The following RIT2 variants were observed in gnomAD, a reference collection of about 807,000 sequenced individuals.
RIT2 encodes the protein Ras like without CAAX 2.
In RIT2, 24 loss-of-function variants were observed where a neutral mutation model predicts 23.7. The ratio of observed to expected loss-of-function variants is 1.01; its 90% CI spans 0.73 to 1.43. The LOEUF is 1.43. Ranked by LOEUF, RIT2 falls within the 40% of genes most tolerant of loss-of-function variation. RIT2 has a pLI of 0.00. For synonymous variants in RIT2, 107 were observed against 91.1 expected, an observed-to-expected ratio of 1.17 and a Z score of -0.99; for missense variants, 236 against 266.9, an observed-to-expected ratio of 0.88 and a Z score of 0.81.
chr18:43,080,925 A>G (rs187071007), intron 1 of RIT2, among the ~76,000 whole-genome samples: 430 of 152,318 alleles, frequency 2.8e-3, no homozygotes, highest in African/African-American at 9.9e-3. Context: ...ATGAAAAAGG[A>G]TTCTGTTTAG....
intron 3 of RIT2, among the ~76,000 whole-genome samples, chr18:42,965,659 A>G (rs1160395872): frequency 6.6e-6 from 1 of 151,368 alleles, no homozygotes; most frequent in Non-Finnish European, 1.5e-5. Flanking sequence ...AAGGATATAA[A>G]GAAATATAAA....
intron 4 of RIT2, among the ~76,000 whole-genome samples, chr18:42,767,918 C>A (rs1000368788): frequency 7.9e-5 from 12 of 152,076 alleles, no homozygotes; most frequent in African/African-American, 2.7e-4. Flanking sequence ...CGCCTCCCAC[C>A]ATGATTTTGA....
At chr18:42,878,417 T>C (rs1423056424) in intron 4 of RIT2, among the ~76,000 whole-genome samples, 1 of 151,986 alleles carries the variant, frequency 6.6e-6, no homozygotes, top group African/African-American at 2.4e-5. Flanking sequence ...AAGGTCTTCA[T>C]CTCTTTCTTG....
In RIT2 at chr18:42,743,400, CACAT is replaced by C. The variant is rs1912837966; in HGVS notation, c.*89_*92del. 2 of 889,836 alleles carry C rather than the reference CACAT, an allele frequency of 2.2e-6. No homozygotes were observed. Among genetic ancestry groups the C allele is most frequent in the African/African-American group, 1.7e-5 (1 of 60,062 alleles). The allele number at this position is 889,836 out of a possible 1,614,324, so 55.1% of individuals were successfully genotyped here. A position where few individuals can be genotyped will look rare whatever the true frequency, so the allele number is the denominator to read the frequency against. On this transcript the variant is annotated 3_prime_UTR_variant, in exon 5 of 5. Coordinates refer to ENST00000326695, the MANE Select transcript of RIT2 (RefSeq NM_002930.4). The stretch of plus-strand genomic sequence containing the variant: ...AGGCAGATATTTAAAGAGAGAGAGA[CACAT>C]AGAGAGATAATATTGAAGCAGAATG...
chr18:42,804,844 TTC>T, intron 4 of RIT2, among the ~76,000 whole-genome samples: 1 of 152,302 alleles, frequency 6.6e-6, no homozygotes, highest in East Asian at 1.9e-4. Context: ...GAATTTGTAA[TTC>T]TCTGTTTTCC....
chr18:42,990,573 G>T (rs1173267730), intron 2 of RIT2, among the ~76,000 whole-genome samples: 1 of 152,136 alleles, frequency 6.6e-6, no homozygotes, highest in Non-Finnish European at 1.5e-5. Context: ...TAATTTTGTT[G>T]TAATTATTTG....
chr18:42,962,327 T>C (rs1302272843), intron 3 of RIT2, among the ~76,000 whole-genome samples: 3 of 152,222 alleles, frequency 2.0e-5, no homozygotes, highest in Admixed American at 1.3e-4. Context: ...AGGAAACCCA[T>C]TTAAAATTAT....
chr18:42,973,008 A>C (rs1468295149), intron 3 of RIT2, among the ~76,000 whole-genome samples: 1 of 151,838 alleles, frequency 6.6e-6, no homozygotes, highest in Non-Finnish European at 1.5e-5. Flanking sequence ...AGAATTTTAG[A>C]ATATTCTGAC....
intron 4 of RIT2, among the ~76,000 whole-genome samples, chr18:42,837,433 C>T (rs559837440): frequency 2.0e-5 from 3 of 151,492 alleles, no homozygotes; most frequent in South Asian, 4.2e-4. Context: ...TCCCAAAGTG[C>T]TGGGATTACA....
chr18:42,801,204 T>C (rs1260792126), intron 4 of RIT2, among the ~76,000 whole-genome samples: 2 of 152,210 alleles, frequency 1.3e-5, no homozygotes, highest in Non-Finnish European at 2.9e-5. Flanking sequence ...GCTTCACTTC[T>C]AGTCTTTAAT....
chr18:43,066,524 A>G (rs575318183), intron 1 of RIT2, among the ~76,000 whole-genome samples: 1 of 152,354 alleles, frequency 6.6e-6, no homozygotes, highest in East Asian at 1.9e-4. Context: ...TAGTCTATCA[A>G]CTAGCATATA....
chr18:42,914,661 C>T (rs1054109087), intron 4 of RIT2, among the ~76,000 whole-genome samples: 5 of 151,864 alleles, frequency 3.3e-5, no homozygotes, highest in African/African-American at 9.7e-5. Flanking sequence ...ATGAGAAGGG[C>T]CTCAGAGTAA....
rs546394025 is a variant in RIT2 at position 42,927,039 on chromosome 18, G to A, written c.235-3276C>T. Among the ~76,000 whole-genome samples, 18 of 152,024 alleles carry A rather than the reference G, an allele frequency of 1.2e-4. No homozygotes were observed. The South Asian group carries it at 3.7e-3, about 32-fold the overall frequency. ...GTAGAAAAGCTCAAATGAGAGAAGA[G>A]ATGTTAAAATGCTTTGATGAATTTT... On this transcript the variant is annotated intron_variant, in intron 3 of 4. Transcript: ENST00000326695.
intron 4 of RIT2, among the ~76,000 whole-genome samples, chr18:42,854,218 T>C (rs1907125686): frequency 6.6e-6 from 1 of 152,178 alleles, no homozygotes; most frequent in Non-Finnish European, 1.5e-5. Flanking sequence ...ACCTTTATAG[T>C]TTTATTACTT....
chr18:43,092,854 C>T (rs1913457399), intron 1 of RIT2, among the ~76,000 whole-genome samples: 1 of 151,964 alleles, frequency 6.6e-6, no homozygotes, highest in East Asian at 1.9e-4. Context: ...CTTATTTTGC[C>T]TCTCTTGGGC....
chr18:43,003,594 G>T (rs113795989), intron 2 of RIT2, among the ~76,000 whole-genome samples: 2 of 151,640 alleles, frequency 1.3e-5, no homozygotes, highest in African/African-American at 4.8e-5. Context: ...ATTGACTCTG[G>T]TACCAATGTC....
intron 1 of RIT2, among the ~76,000 whole-genome samples, chr18:43,113,471 T>C (rs746615252): frequency 3.3e-5 from 5 of 152,188 alleles, no homozygotes; most frequent in African/African-American, 9.7e-5. Flanking sequence ...TTGACTTCTA[T>C]TGTACAAAGC....
chr18:42,929,771 A>G (rs894313687), intron 3 of RIT2, among the ~76,000 whole-genome samples: 2 of 152,170 alleles, frequency 1.3e-5, no homozygotes, highest in African/African-American at 4.8e-5. Flanking sequence ...TTGCCAGCTC[A>G]TGAAGCCAGT....
intron 3 of RIT2, among the ~76,000 whole-genome samples, chr18:42,958,495 T>A (rs1910024511): frequency 6.6e-6 from 1 of 152,078 alleles, no homozygotes; most frequent in Non-Finnish European, 1.5e-5. Flanking sequence ...TTCATACTAA[T>A]GGGACATAAA....
Sources: gnomAD v4.1 joint callset for allele counts (sites outside exome capture counted in the v4.1 genomes callset) on GRCh38, gnomAD v4.1.1 for gene constraint, MANE v1.5 for transcripts, NCBI Gene and HGNC (gene_info 2026-07-23, HGNC 2026-07-21) for gene names.